The following MGAT4C variants were observed in gnomAD, a reference collection of about 807,000 sequenced individuals.
MGAT4C encodes the protein alpha-1,3-mannosyl-glycoprotein 4-beta-N-acetylglucosaminyltransferase C.
A neutral mutation model predicts 40.1 loss-of-function variants in MGAT4C; 19 were observed. The ratio of observed to expected loss-of-function variants is 0.47; its 90% CI spans 0.33 to 0.70. MGAT4C has a LOEUF of 0.70. Among genes scored for constraint, MGAT4C ranks in the 30% least tolerant of loss-of-function variants. The probability of loss-of-function intolerance (pLI) is 0.02; values close to 1 mark genes in which losing one functional copy is unlikely to be tolerated. For synonymous variants in MGAT4C, 181 were observed against 187.1 expected (o/e 0.97, Z 0.27); for missense variants, 491 against 563.2 (o/e 0.87, Z 1.30).
intron 1 of MGAT4C, among the ~76,000 whole-genome samples, chr12:86,785,947 T>C (rs1475732433): frequency 2.0e-5 from 3 of 152,044 alleles, no homozygotes; most frequent in Non-Finnish European, 4.4e-5. Flanking sequence ...TTCCATTTAT[T>C]CATTCTTCTT....
intron 2 of MGAT4C, among the ~76,000 whole-genome samples, chr12:86,480,919 C>T (rs747026436): frequency 6.6e-6 from 1 of 151,648 alleles, no homozygotes; most frequent in Non-Finnish European, 1.5e-5. Context: ...CACATCAGGA[C>T]ATTTTCCACA....
chr12:86,548,387 C>T (rs550470895), intron 2 of MGAT4C, among the ~76,000 whole-genome samples: 1 of 152,070 alleles, frequency 6.6e-6, no homozygotes, highest in South Asian at 2.1e-4. Flanking sequence ...AATATATTCC[C>T]CTTAAGTGAA....
At position 85,979,780 on chromosome 12, in the gene MGAT4C, A is replaced by C; in HGVS notation, c.946T>G (p.Ser316Ala). The C allele has an allele frequency of 3.1e-6, 5 of 1,613,688 alleles. No individual in the cohort carries two copies. Among genetic ancestry groups the C allele is most frequent in the Non-Finnish European group, 4.2e-6 (5 of 1,179,826 alleles). ...PSLFQHMGYY[S>A]SYKGTENKLK... ...TTATTCTCCGTCCCTTTGTATGATG[A>C]ATAATAGCCCATGTGCTGAAAGAGA... The change falls in exon 5 of 5, where the codon TCA becomes GCA. Residue 316 changes from serine to alanine, a missense_variant. Ser to Ala is a moderately conservative substitution (Grantham distance 99, BLOSUM62 1). Coordinates refer to ENST00000611864, the MANE Select transcript of MGAT4C (RefSeq NM_001351288.2).
At chr12:86,589,362 G>C (rs539894757) in intron 2 of MGAT4C, among the ~76,000 whole-genome samples, 1 of 152,026 alleles carries the variant, frequency 6.6e-6, no homozygotes, top group Non-Finnish European at 1.5e-5. Context: ...GGAAGAAGTT[G>C]AATCTCTGAA....
intron 2 of MGAT4C, among the ~76,000 whole-genome samples, chr12:86,442,654 T>C: frequency 6.6e-6 from 1 of 152,014 alleles, no homozygotes; most frequent in East Asian, 1.9e-4. Context: ...CAGATAGTTG[T>C]AGGTATGCAG....
chr12:86,050,091 A>G (rs1184497255), intron 1 of MGAT4C, among the ~76,000 whole-genome samples: 1 of 152,046 alleles, frequency 6.6e-6, no homozygotes, highest in African/African-American at 2.4e-5. Context: ...ACTTAAGCAT[A>G]AAGTTATTTT....
intron 2 of MGAT4C, among the ~76,000 whole-genome samples, chr12:85,989,804 AGAT>A (rs1456195477): frequency 6.6e-6 from 1 of 152,138 alleles, no homozygotes; most frequent in Non-Finnish European, 1.5e-5. Flanking sequence ...TGACGAAAAA[AGAT>A]GAACTTTGGT....
intron 4 of MGAT4C, among the ~76,000 whole-genome samples, chr12:86,280,681 C>T (rs1427706746): frequency 6.7e-6 from 1 of 148,374 alleles, no homozygotes; most frequent in Non-Finnish European, 1.5e-5. Context: ...CTAGTTTACA[C>T]ATTTTGAATT....
chr12:86,166,595 C>T (rs756115622), intron 1 of MGAT4C, among the ~76,000 whole-genome samples: 1 of 152,126 alleles, frequency 6.6e-6, no homozygotes, highest in African/African-American at 2.4e-5. Flanking sequence ...TCATTTGAAA[C>T]CAGGAGTCAG....
chr12:86,077,379 C>A (rs1437314372), intron 1 of MGAT4C, among the ~76,000 whole-genome samples: 1 of 152,120 alleles, frequency 6.6e-6, no homozygotes, highest in Non-Finnish European at 1.5e-5. Context: ...TACTTAAATG[C>A]TGATGTGAAG....
intron 2 of MGAT4C, among the ~76,000 whole-genome samples, chr12:86,709,370 C>T (rs1950517122): frequency 6.6e-6 from 1 of 152,108 alleles, no homozygotes; most frequent in African/African-American, 2.4e-5. Flanking sequence ...TCTTTATCAG[C>T]AGTGTAAAAA....
chr12:86,726,661 C>T, intron 2 of MGAT4C, among the ~76,000 whole-genome samples: 1 of 151,806 alleles, frequency 6.6e-6, no homozygotes, highest in African/African-American at 2.4e-5. Context: ...ATATTTTTGT[C>T]CTGTTCTTAT....
chr12:86,809,081 T>C (rs750648393), intron 1 of MGAT4C, among the ~76,000 whole-genome samples: 1 of 152,064 alleles, frequency 6.6e-6, no homozygotes, highest in East Asian at 1.9e-4. Flanking sequence ...AAATGGGACA[T>C]GAAGGACCTC....
intron 1 of MGAT4C, among the ~76,000 whole-genome samples, chr12:86,741,987 T>C (rs1489116141): frequency 2.6e-5 from 4 of 151,532 alleles, no homozygotes; most frequent in Non-Finnish European, 4.4e-5. Context: ...TATGTACCTT[T>C]AACTTGTAAG....
At chr12:86,606,136 A>C (rs1196623395) in intron 2 of MGAT4C, among the ~76,000 whole-genome samples, 1 of 151,980 alleles carries the variant, frequency 6.6e-6, no homozygotes. Flanking sequence ...CATGGGGGAA[A>C]CCACCCCCAT....
intron 1 of MGAT4C, among the ~76,000 whole-genome samples, chr12:86,206,507 C>T (rs546157960): frequency 4.6e-5 from 7 of 152,074 alleles, no homozygotes; most frequent in East Asian, 1.9e-4. Context: ...ATAGGATAGA[C>T]GGTATTTCAG....
At chr12:86,593,264 TA>T (rs1961404267) in intron 2 of MGAT4C, among the ~76,000 whole-genome samples, 1 of 74,314 alleles carries the variant, frequency 1.3e-5, no homozygotes, top group South Asian at 4.4e-4. Context: ...GGAATTTAAG[TA>T]TTTTTTTTTT....
chr12:86,822,531 C>G (rs1390646474), intron 1 of MGAT4C, among the ~76,000 whole-genome samples: 1 of 149,232 alleles, frequency 6.7e-6, no homozygotes, highest in Non-Finnish European at 1.5e-5. Context: ...AAAAAGAAAG[C>G]AGGGACAGCT....
intron 1 of MGAT4C, among the ~76,000 whole-genome samples, chr12:86,776,257 G>T (rs11104080): frequency 1.3e-5 from 2 of 151,830 alleles, no homozygotes; most frequent in Non-Finnish European, 2.9e-5. Flanking sequence ...GAGCAGAAAT[G>T]GGAATGATAA....
Sources: gnomAD v4.1 joint callset for allele counts (sites outside exome capture counted in the v4.1 genomes callset) on GRCh38, gnomAD v4.1.1 for gene constraint, MANE v1.5 for transcripts, NCBI Gene and HGNC (gene_info 2026-07-23, HGNC 2026-07-21) for gene names.